The following CAPZB variants were observed in gnomAD, a reference collection of about 807,000 sequenced individuals.
CAPZB encodes the protein F-actin-capping protein subunit beta.
In CAPZB, 2 loss-of-function variants were observed where a neutral mutation model predicts 38.1. The observed-to-expected ratio is 0.05, with a 90% CI of 0.02 to 0.17. The LOEUF is 0.17. Among genes scored for constraint, CAPZB ranks in the 10% least tolerant of loss-of-function variants. The probability of loss-of-function intolerance (pLI) is 1.00; values close to 1 mark genes in which losing one functional copy is unlikely to be tolerated. For missense variants in CAPZB, 161 were observed against 334.2 expected (o/e 0.48, Z 4.04); for synonymous variants, 107 against 127.4 (o/e 0.84, Z 1.08).
intron 2 of CAPZB, among the ~76,000 whole-genome samples, chr1:19,400,759 T>C (rs2094299095): frequency 6.6e-6 from 1 of 152,138 alleles, no homozygotes; most frequent in African/African-American, 2.4e-5. Flanking sequence ...TGGATAGATC[T>C]TGTAGGAAAA....
chr1:19,378,711 C>T (rs1044556494), intron 3 of CAPZB, 58 bp from the exon 4 acceptor site: 10 of 933,718 alleles, frequency 1.1e-5, no homozygotes, highest in South Asian at 4.1e-5. Context: ...ACACGGCCAG[C>T]GAGCAGGGAG....
At chr1:19,378,431 CA>C in intron 4 of CAPZB, 108 bp downstream of exon 4, 1 of 709,386 alleles carries the variant, frequency 1.4e-6, no homozygotes, top group Non-Finnish European at 2.6e-6. Flanking sequence ...GTAACAGATT[CA>C]AGGGAGAATG....
rs540516494 is a variant in CAPZB, at chr1:19,478,667, T to TTGGACATACTTGCTTCCACC, written c.3+6749_3+6768dup. ...ACTCACTCCTGAGTCTTTCAGAACTTTGGACATACTTGCTTCCACCCGCTT... is the reference window on the plus strand; with the variant it reads ...ACTCACTCCTGAGTCTTTCAGAACTTTGGACATACTTGCTTCCACCTGGACATACTTGCTTCCACCCGCTT... On this transcript the variant is annotated intron_variant, in intron 1 of 8. Transcript: ENST00000264202. Among the ~76,000 whole-genome samples the TTGGACATACTTGCTTCCACC allele has an allele frequency of 5.9e-3, 894 of 152,248 alleles. 2 individuals carry two copies. Among genetic ancestry groups the TTGGACATACTTGCTTCCACC allele is most frequent in the Non-Finnish European group, 0.01 (709 of 68,026 alleles).
At position 19,461,101 on chromosome 1, in the gene CAPZB, G is replaced by C. The variant is rs1257460695; in HGVS notation, c.3+24335C>G. 1.7e-4 allele frequency among the ~76,000 whole-genome samples: 26 copies of C among 151,464 alleles called. 1 individual carries two copies. The highest frequency in any genetic ancestry group is 1.2e-3 in the East Asian group (6 of 5,144). On this transcript the variant is annotated intron_variant, in intron 1 of 8. Coordinates refer to ENST00000264202, the MANE Select transcript of CAPZB (RefSeq NM_004930.5). ...TATTCACCCCTGGGCGGGGGCGGGGGGGGGAGGGGCGGGTTCCAGCACAGC... is the reference window on the plus strand; with the variant it reads ...TATTCACCCCTGGGCGGGGGCGGGGCGGGGAGGGGCGGGTTCCAGCACAGC...
intron 1 of CAPZB, among the ~76,000 whole-genome samples, chr1:19,461,494 G>A (rs1230337330): frequency 6.6e-6 from 1 of 152,226 alleles, no homozygotes. Context: ...CACAGAAGCA[G>A]GCCCTTCGTG....
chr1:19,457,400 G>A (rs568239956), intron 1 of CAPZB, among the ~76,000 whole-genome samples: 7 of 152,270 alleles, frequency 4.6e-5, no homozygotes, highest in South Asian at 4.1e-4. Flanking sequence ...AAACAATGGC[G>A]CACAGGCTGG....
intron 1 of CAPZB, among the ~76,000 whole-genome samples, chr1:19,426,064 G>A (rs957828107): frequency 2.0e-4 from 30 of 152,200 alleles, no homozygotes; most frequent in African/African-American, 6.3e-4. Context: ...AGCCAGGTGC[G>A]TGGAGGAGGA....
intron 1 of CAPZB, among the ~76,000 whole-genome samples, chr1:19,473,109 T>C (rs1474170157): frequency 6.6e-6 from 1 of 152,112 alleles, no homozygotes; most frequent in East Asian, 1.9e-4. Flanking sequence ...TGCAGAAGTT[T>C]AAAAAACTCT....
intron 6 of CAPZB, among the ~76,000 whole-genome samples, chr1:19,346,817 CTTTTTTTTTTTT>C (rs34733600): frequency 5.9e-5 from 5 of 84,100 alleles, no homozygotes; most frequent in South Asian, 4.6e-4. Context: ...CGACTTTTGT[CTTTTTTTTTTTT>C]TTTTTTTTTT....
At chr1:19,449,273 C>T in intron 1 of CAPZB, 1 of 1,060,072 alleles carries the variant, frequency 9.4e-7, no homozygotes, top group Non-Finnish European at 1.1e-6. Context: ...ATTCCGATGA[C>T]AGCCAGAAGA....
intron 4 of CAPZB, among the ~76,000 whole-genome samples, chr1:19,368,103 G>A (rs2100371831): frequency 6.6e-6 from 1 of 152,254 alleles, no homozygotes; most frequent in East Asian, 1.9e-4. Context: ...TTTTTTTACA[G>A]TTAAGAAAAC....
rs545909972 is a variant in CAPZB, at chr1:19,359,067, AG to A, written c.330-1505del. 1.2e-3 allele frequency among the ~76,000 whole-genome samples: 188 copies of A among 152,370 alleles called. 1 individual carries two copies. The highest frequency in any genetic ancestry group is 4.3e-3 in the African/African-American group (179 of 41,592). On this transcript the variant is annotated intron_variant, in intron 4 of 8. Coordinates refer to ENST00000264202, the MANE Select transcript of CAPZB (RefSeq NM_004930.5). ...AGAGACAAAAACAATTAGGAAAAGT[AG>A]ACACCTGCCAAACGGTTAATGTAAA...
chr1:19,457,470 G>A (rs1426597779), intron 1 of CAPZB, among the ~76,000 whole-genome samples: 1 of 152,180 alleles, frequency 6.6e-6, no homozygotes, highest in African/African-American at 2.4e-5. Context: ...ACTATGTACT[G>A]ATAATTCTCT....
intron 6 of CAPZB, among the ~76,000 whole-genome samples, chr1:19,346,110 T>C (rs2093959130): frequency 6.6e-6 from 1 of 152,148 alleles, no homozygotes; most frequent in Non-Finnish European, 1.5e-5. Flanking sequence ...ATAAATTCTT[T>C]CAGGAGAGAT....
chr1:19,472,154 A>C (rs556771317), intron 1 of CAPZB, among the ~76,000 whole-genome samples: 1 of 152,326 alleles, frequency 6.6e-6, no homozygotes, highest in East Asian at 1.9e-4. Context: ...AGGACAGATG[A>C]AATCAGTGTT....
At chr1:19,477,069 T>C (rs760668366) in intron 1 of CAPZB, among the ~76,000 whole-genome samples, 2 of 152,108 alleles carry the variant, frequency 1.3e-5, no homozygotes, top group Non-Finnish European at 2.9e-5. Flanking sequence ...CCTCACAGGG[T>C]TGGTGTTGAG....
chr1:19,482,962 T>C (rs975952090), intron 1 of CAPZB, among the ~76,000 whole-genome samples: 2 of 152,156 alleles, frequency 1.3e-5, no homozygotes, highest in African/African-American at 4.8e-5. Flanking sequence ...AGAATGAATA[T>C]GAAATCCAAG....
intron 6 of CAPZB, among the ~76,000 whole-genome samples, chr1:19,345,855 G>A (rs571805688): frequency 1.3e-5 from 2 of 152,356 alleles, no homozygotes; most frequent in Admixed American, 1.3e-4. Context: ...CCTCGCACCA[G>A]GGCCTGTTCG....
intron 2 of CAPZB, among the ~76,000 whole-genome samples, chr1:19,403,002 T>C (rs1318277296): frequency 6.6e-6 from 1 of 152,038 alleles, no homozygotes; most frequent in Non-Finnish European, 1.5e-5. Context: ...TGAGCCAAGA[T>C]TGTGCCATCA....
Sources: allele counts gnomAD v4.1 joint callset (sites outside exome capture counted in the v4.1 genomes callset), GRCh38; gene constraint gnomAD v4.1.1; transcripts MANE v1.5; gene names NCBI Gene and HGNC (gene_info 2026-07-23, HGNC 2026-07-21).